Variants in EXOC4 observed in about 807,000 individuals in gnomAD.
EXOC4 encodes exocyst complex component 4.
EXOC4 carries 71 observed loss-of-function variants against 107.2 expected under a neutral mutation model. The ratio of observed to expected loss-of-function variants is 0.66; its 90% CI spans 0.55 to 0.81. EXOC4 has a LOEUF of 0.81. Among genes scored for constraint, EXOC4 ranks in the 30% least tolerant of loss-of-function variants. EXOC4 has a pLI of 0.00. For missense variants in EXOC4, 1,108 were observed against 1,189.6 expected (o/e 0.93, Z 1.01); for synonymous variants, 456 against 441.2 (o/e 1.03, Z -0.42).
chr7:133,607,904 A>G (rs1215466995), intron 9 of EXOC4, among the ~76,000 whole-genome samples: 1 of 152,234 alleles, frequency 6.6e-6, no homozygotes, highest in African/African-American at 2.4e-5. Flanking sequence ...TTTGAATTTC[A>G]TCTTCACCAA....
At chr7:133,290,274 C>T (rs896697200) in intron 3 of EXOC4, among the ~76,000 whole-genome samples, 3 of 151,774 alleles carry the variant, frequency 2.0e-5, no homozygotes, top group Admixed American at 6.6e-5. Flanking sequence ...CCAGCCTGGG[C>T]GATAGAGCAA....
intron 11 of EXOC4, 92 bp from the exon 12 acceptor site, chr7:133,895,507 A>T: frequency 7.8e-7 from 1 of 1,289,814 alleles, no homozygotes. Context: ...GAGCTCAGGT[A>T]CCTTAAATTA....
chr7:133,313,797 GT>G, intron 4 of EXOC4, among the ~76,000 whole-genome samples: 1 of 152,234 alleles, frequency 6.6e-6, no homozygotes, highest in East Asian at 1.9e-4. Context: ...GTTGTTGCTT[GT>G]TTTGGGTTTA....
intron 11 of EXOC4, among the ~76,000 whole-genome samples, chr7:133,841,541 A>G (rs922496766): frequency 6.6e-6 from 1 of 152,104 alleles, no homozygotes; most frequent in Admixed American, 6.6e-5. Context: ...TTATTCTACA[A>G]AGAGGTTATT....
chr7:133,592,034 C>G (rs1801561553), intron 9 of EXOC4, among the ~76,000 whole-genome samples: 1 of 152,118 alleles, frequency 6.6e-6, no homozygotes, highest in Non-Finnish European at 1.5e-5. Flanking sequence ...AAAATCTGCA[C>G]TTGAGTTCTT....
At chr7:133,725,286 A>T (rs897672846) in intron 10 of EXOC4, among the ~76,000 whole-genome samples, 1 of 152,238 alleles carries the variant, frequency 6.6e-6, no homozygotes, top group Non-Finnish European at 1.5e-5. Context: ...AGCAGGGAGA[A>T]GCCTTAGGAA....
At chr7:133,552,719 A>C (rs1453104656) in intron 9 of EXOC4, among the ~76,000 whole-genome samples, 2 of 152,164 alleles carry the variant, frequency 1.3e-5, no homozygotes, top group Non-Finnish European at 2.9e-5. Context: ...GCTACATGGA[A>C]GTATCTGCCA....
intron 10 of EXOC4, among the ~76,000 whole-genome samples, chr7:133,723,229 C>T (rs1312304372): frequency 1.3e-5 from 2 of 152,162 alleles, no homozygotes; most frequent in African/African-American, 2.4e-5. Flanking sequence ...AGAGGTCAGG[C>T]AGTTTATAGC....
intron 3 of EXOC4, among the ~76,000 whole-genome samples, chr7:133,305,165 A>G (rs1794723639): frequency 6.7e-6 from 1 of 150,360 alleles, no homozygotes; most frequent in Non-Finnish European, 1.5e-5. Context: ...CATTTATTGT[A>G]GGCATTCCTA....
intron 4 of EXOC4, among the ~76,000 whole-genome samples, chr7:133,310,733 C>A (rs973688810): frequency 1.3e-5 from 2 of 152,182 alleles, no homozygotes; most frequent in African/African-American, 4.8e-5. Context: ...TGTAAATGAT[C>A]TCTAAATGTC....
intron 7 of EXOC4, among the ~76,000 whole-genome samples, chr7:133,467,669 C>T (rs749773582): frequency 1.4e-4 from 21 of 146,880 alleles, no homozygotes; most frequent in East Asian, 4.0e-4. Context: ...ATTTTAATGT[C>T]GCCTGAAATA....
At chr7:134,086,701 A>C in the EXOC4 span, among the ~76,000 whole-genome samples, 2 of 152,184 alleles carry the variant, frequency 1.3e-5, no homozygotes, top group African/African-American at 4.8e-5. Context: ...TGGGCAAGAA[A>C]AAATTCAGGG....
In EXOC4 at chr7:133,329,482, G is replaced by A. The variant is rs554597307; in HGVS notation, c.763+12092G>A. On this transcript the variant is annotated intron_variant, in intron 5 of 17. Transcript: ENST00000253861. ...TGTTCCCTTGCTGCTGAGGAGTTGT[G>A]ATCCTTAGGAGAAGAGGCATTCTAG... Among the ~76,000 whole-genome samples the A allele has an allele frequency of 2.0e-5, 3 of 152,278 alleles. No homozygotes were observed. In the South Asian group the frequency reaches 6.2e-4, roughly 32 times the overall value.
chr7:133,678,329 C>T (rs1562903954), intron 10 of EXOC4, among the ~76,000 whole-genome samples: 1 of 152,194 alleles, frequency 6.6e-6, no homozygotes, highest in African/African-American at 2.4e-5. Context: ...CAATTTCCCA[C>T]TTTGCTTGTA....
intron 14 of EXOC4, among the ~76,000 whole-genome samples, chr7:133,965,582 A>C (rs1801045969): frequency 6.6e-6 from 1 of 152,196 alleles, no homozygotes; most frequent in Non-Finnish European, 1.5e-5. Flanking sequence ...TAAATAGGGA[A>C]TCCTTTCCCC....
intron 7 of EXOC4, among the ~76,000 whole-genome samples, chr7:133,402,647 C>A (rs553791275): frequency 6.6e-6 from 1 of 152,042 alleles, no homozygotes; most frequent in East Asian, 1.9e-4. Context: ...TATAGGCATG[C>A]GCTACCACAC....
chr7:133,285,146 G>T (rs1209327665), intron 2 of EXOC4, among the ~76,000 whole-genome samples: 1 of 152,048 alleles, frequency 6.6e-6, no homozygotes, highest in Admixed American at 6.6e-5. Flanking sequence ...TTAAATAGAT[G>T]ATCAGTGCTT....
At chr7:133,506,178 G>T (rs1286303263) in intron 9 of EXOC4, among the ~76,000 whole-genome samples, 1 of 152,080 alleles carries the variant, frequency 6.6e-6, no homozygotes, top group African/African-American at 2.4e-5. Flanking sequence ...AATTAGGGAG[G>T]ATATATTTCT....
intron 9 of EXOC4, among the ~76,000 whole-genome samples, chr7:133,598,625 C>G (rs1801737260): frequency 6.6e-6 from 1 of 152,146 alleles, no homozygotes; most frequent in South Asian, 2.1e-4. Flanking sequence ...TTTATAAAAT[C>G]TAAATACAGA....
Sources: allele counts gnomAD v4.1 joint callset (sites outside exome capture counted in the v4.1 genomes callset), GRCh38; gene constraint gnomAD v4.1.1; transcripts MANE v1.5; gene names NCBI Gene and HGNC (gene_info 2026-07-23, HGNC 2026-07-21).